RBFOX1: variants seen among roughly 807,000 people sequenced by gnomAD.
The protein encoded by RBFOX1 is RNA binding protein fox-1 homolog 1.
A neutral mutation model predicts 57.7 loss-of-function variants in RBFOX1; 8 were observed. The observed-to-expected ratio is 0.14, with a 90% CI of 0.08 to 0.25. The LOEUF (loss-of-function observed/expected upper bound fraction) is 0.25. Ranked by LOEUF, RBFOX1 falls within the 10% of genes least tolerant of loss-of-function variation. The probability of loss-of-function intolerance (pLI) is 1.00; values close to 1 mark genes in which losing one functional copy is unlikely to be tolerated. For synonymous variants in RBFOX1, 326 were observed against 222.4 expected, an observed-to-expected ratio of 1.47 and a Z score of -4.15; for missense variants, 611 against 548.5, an observed-to-expected ratio of 1.11 and a Z score of -1.14.
At chr16:5,664,779 C>T (rs74743250) in intron 3 of RBFOX1, among the ~76,000 whole-genome samples, 1 of 151,944 alleles carries the variant, frequency 6.6e-6, no homozygotes, top group Admixed American at 6.5e-5. Context: ...TTCCTGGGAT[C>T]CATGGAGAGG....
At chr16:7,230,518 G>A (rs151303142) in intron 4 of RBFOX1, among the ~76,000 whole-genome samples, 53 of 152,250 alleles carry the variant, frequency 3.5e-4, no homozygotes, top group African/African-American at 1.2e-3. Context: ...GCATGATGAA[G>A]CACTGCTTGA....
rs539554734 is a variant in RBFOX1 at position 5,554,453 on chromosome 16, T to C, written c.259-44449T>C. 2.5e-3 allele frequency among the ~76,000 whole-genome samples: 381 copies of C among 152,308 alleles called. 1 individual carries two copies. Among genetic ancestry groups the C allele is most frequent in the African/African-American group, 8.5e-3 (354 of 41,568 alleles). On this transcript the variant is annotated intron_variant, in intron 2 of 2. Coordinates refer to the RBFOX1 transcript ENST00000585867. ...GAGGTTCTTCTAAAACATTAAAAAG[T>C]ATCTAAGAGTAAATGGAAAAATACA...
At chr16:6,684,825 C>G (rs1166626717) in intron 3 of RBFOX1, among the ~76,000 whole-genome samples, 1 of 152,112 alleles carries the variant, frequency 6.6e-6, no homozygotes, top group African/African-American at 2.4e-5. Flanking sequence ...TCTTTTTTCT[C>G]TTCTAGTTGT....
At position 7,243,057 on chromosome 16, in the gene RBFOX1, A is replaced by T. The variant is rs544628463; in HGVS notation, c.27+190959A>T. On this transcript the variant is annotated intron_variant, in intron 4 of 15. Coordinates refer to ENST00000550418, the MANE Select transcript of RBFOX1 (RefSeq NM_018723.4). ...CATTTTTAATATAAATTGGTAATAT[A>T]ATAATATATTCCCTTTATTCTTTGT... Among the ~76,000 whole-genome samples the T allele has an allele frequency of 9.7e-4, 148 of 152,288 alleles. 3 individuals carry two copies. The South Asian group carries it at 0.028, about 29-fold the overall frequency.
intron 1 of RBFOX1, among the ~76,000 whole-genome samples, chr16:6,051,305 C>A (rs1352281485): frequency 6.6e-6 from 1 of 151,870 alleles, no homozygotes; most frequent in Non-Finnish European, 1.5e-5. Context: ...TCCTGGTACT[C>A]AGGCAAGAGA....
intron 3 of RBFOX1, among the ~76,000 whole-genome samples, chr16:5,680,448 A>G (rs776547832): frequency 6.6e-6 from 1 of 152,142 alleles, no homozygotes; most frequent in Admixed American, 6.5e-5. Flanking sequence ...TCCACTGTAT[A>G]CCTGGAATTG....
chr16:5,598,768 G>A, intron 2 of RBFOX1: 1 of 674,900 alleles, frequency 1.5e-6, no homozygotes, highest in Non-Finnish European at 2.5e-6. Flanking sequence ...GGGATGGGTG[G>A]AGAGACAGAG....
In RBFOX1 at chr16:7,557,720, G is replaced by A. The variant is rs145799895; in HGVS notation, c.271-22057G>A. Among the ~76,000 whole-genome samples the A allele has an allele frequency of 1.8e-4, 27 of 147,398 alleles. No individual in the cohort carries two copies. The East Asian group carries it at 5.5e-3, about 30-fold the overall frequency. ...TATATTAGAATTACCTGATGCGCTT[G>A]TTACAAACACATATTGCTGGCTGTA... is the stretch of plus-strand genomic sequence containing the variant. On this transcript the variant is annotated intron_variant, in intron 5 of 15. Transcript: ENST00000550418.
At chr16:6,089,394 G>A (rs939705418) in intron 1 of RBFOX1, among the ~76,000 whole-genome samples, 3 of 152,126 alleles carry the variant, frequency 2.0e-5, no homozygotes, top group Non-Finnish European at 4.4e-5. Context: ...AGATTCAGAT[G>A]CACTAAAGAA....
chr16:6,019,671 G>T lies in RBFOX1; in HGVS notation c.-448G>T. On this transcript the variant is annotated 5_prime_UTR_variant, in exon 1 of 16. Transcript: ENST00000550418. The surrounding 1 kb of genome is among the most constrained non-coding windows in gnomAD (Gnocchi z 4.2). Reference sequence around the variant, plus strand: ...GCCGTGGGCCCCGCCCCGGCGTCCGGAGCAGGAGAACTCCGAGCTTCTTGC... The same window carrying T: ...GCCGTGGGCCCCGCCCCGGCGTCCGTAGCAGGAGAACTCCGAGCTTCTTGC... The T allele has an allele frequency of 7.5e-7, 1 of 1,328,312 alleles. No homozygotes were observed. The highest frequency in any genetic ancestry group is 2.9e-4 in the Middle Eastern group (1 of 3,458). The allele number at this position is 1,328,312 out of a possible 1,614,324, so 82.3% of individuals were successfully genotyped here. A position where few individuals can be genotyped will look rare whatever the true frequency, so the allele number is the denominator to read the frequency against.
At chr16:6,512,015 A>C (rs893716661) in intron 2 of RBFOX1, among the ~76,000 whole-genome samples, 1 of 152,074 alleles carries the variant, frequency 6.6e-6, no homozygotes, top group Non-Finnish European at 1.5e-5. Flanking sequence ...TTATACCTGT[A>C]ATCCAAGCCC....
At chr16:6,125,616 C>T (rs922800772) in intron 1 of RBFOX1, among the ~76,000 whole-genome samples, 2 of 152,158 alleles carry the variant, frequency 1.3e-5, no homozygotes, top group African/African-American at 4.8e-5. Flanking sequence ...AAAGCAGATG[C>T]AGCCTCATTG....
chr16:7,033,706 C>G (rs1187884423), intron 3 of RBFOX1, among the ~76,000 whole-genome samples: 1 of 152,050 alleles, frequency 6.6e-6, no homozygotes, highest in Non-Finnish European at 1.5e-5. Context: ...AGTAGAAAGA[C>G]ATTTTGTCCG....
At chr16:6,884,854 C>T (rs1447822725) in intron 3 of RBFOX1, among the ~76,000 whole-genome samples, 1 of 152,196 alleles carries the variant, frequency 6.6e-6, no homozygotes. Flanking sequence ...GCCCAGAGTG[C>T]TCCACTGCAC....
intron 4 of RBFOX1, among the ~76,000 whole-genome samples, chr16:7,057,481 C>T (rs187734294): frequency 6.6e-6 from 1 of 152,276 alleles, no homozygotes; most frequent in East Asian, 1.9e-4. Flanking sequence ...CACCTTCTAG[C>T]CCCTAAGATG....
rs1232227396 is a variant in RBFOX1, at chr16:7,713,005, T to A, written c.*2260T>A. On this transcript the variant is annotated 3_prime_UTR_variant, in exon 16 of 16. Transcript: ENST00000550418. ...TTTAGAGTGAGTGAGTGCCAACCGA[T>A]GTTGCAGAATCTTTTGTCTAGGCAC... The A allele has an allele frequency of 6.6e-6, 1 of 152,232 alleles. No individual in the cohort carries two copies. Among genetic ancestry groups the A allele is most frequent in the Admixed American group, 6.5e-5 (1 of 15,284 alleles). The allele number at this position is 152,232 out of a possible 1,614,324, so 9.4% of individuals were successfully genotyped here. A position where few individuals can be genotyped will look rare whatever the true frequency, so the allele number is the denominator to read the frequency against.
chr16:6,723,342 C>T (rs1194336139), intron 3 of RBFOX1, among the ~76,000 whole-genome samples: 3 of 151,926 alleles, frequency 2.0e-5, no homozygotes, highest in African/African-American at 2.4e-5. Context: ...CGAGCATAGG[C>T]AGGTTATAAC....
chr16:6,187,753 A>C (rs939318904), intron 1 of RBFOX1, among the ~76,000 whole-genome samples: 1 of 152,132 alleles, frequency 6.6e-6, no homozygotes, highest in African/African-American at 2.4e-5. Context: ...GGATGTAGAG[A>C]GTGGGAGACG....
chr16:5,352,562 A>C (rs2065285878), intron 1 of RBFOX1, among the ~76,000 whole-genome samples: 1 of 152,198 alleles, frequency 6.6e-6, no homozygotes, highest in Non-Finnish European at 1.5e-5. Context: ...TTTCACCCTG[A>C]ACGTTTGATC....
Sources: gnomAD v4.1 joint callset for allele counts (sites outside exome capture counted in the v4.1 genomes callset) on GRCh38, gnomAD v4.1.1 for gene constraint, Gnocchi (gnomAD v3.1) non-coding constraint, MANE v1.5 for transcripts, NCBI Gene and HGNC (gene_info 2026-07-23, HGNC 2026-07-21) for gene names.